RTN4: variants seen among roughly 807,000 people sequenced by gnomAD.
RTN4 encodes the protein reticulon-4.
Under a neutral mutation model 90.4 loss-of-function variants are expected in RTN4, and 32 were observed. The ratio of observed to expected loss-of-function variants is 0.35; its 90% CI spans 0.27 to 0.48. RTN4 has a LOEUF of 0.48. RTN4 is among the 20% of genes least tolerant of loss of function. The probability of loss-of-function intolerance (pLI) is 0.99; values close to 1 mark genes in which losing one functional copy is unlikely to be tolerated. For synonymous variants in RTN4, 629 were observed against 552.5 expected (o/e 1.14, Z -1.94); for missense variants, 1,706 against 1,430.2 (o/e 1.19, Z -3.11).
At chr2:55,089,852 G>T (rs1041717947) in intron 1 of RTN4, among the ~76,000 whole-genome samples, 3 of 152,174 alleles carry the variant, frequency 2.0e-5, no homozygotes, top group East Asian at 1.9e-4. Flanking sequence ...GTGGTAAAAA[G>T]GTCCCCCTGG....
In RTN4 at chr2:55,025,159, T is replaced by A; in HGVS notation, c.2940A>T (p.Lys980Asn). 6.2e-7 allele frequency: 1 copy of A among 1,613,660 alleles called. No individual in the cohort carries two copies. Among genetic ancestry groups the A allele is most frequent in the Non-Finnish European group, 8.5e-7 (1 of 1,179,766 alleles). ...CCTCTTTTTCTGTATCGGAAGGAAG[T>A]TTTTTCTCAGCTTCTTTCACAAGAA... ...PKVLVKEAEK[K>N]LPSDTEKEDR... The change falls in exon 3 of 9, where the codon AAA (lysine) becomes AAT (asparagine). Residue 980 changes from lysine (K) to asparagine (N), a missense_variant. By Grantham distance (94) the Lys-to-Asn change is moderately conservative. Transcript: ENST00000337526.
At chr2:55,042,226 A>G (rs1326851906) in intron 1 of RTN4, among the ~76,000 whole-genome samples, 1 of 152,214 alleles carries the variant, frequency 6.6e-6, no homozygotes, top group Non-Finnish European at 1.5e-5. Context: ...ACACTTTGGC[A>G]TTAGCTACCA....
chr2:55,080,444 C>G (rs187227176), intron 2 of RTN4: 7 of 152,300 alleles, frequency 4.6e-5, no homozygotes, highest in African/African-American at 1.7e-4. Flanking sequence ...TGAAATATGA[C>G]ATTCCTTGTA....
chr2:55,018,096 G>A (rs773217070), intron 3 of RTN4, among the ~76,000 whole-genome samples: 3 of 152,146 alleles, frequency 2.0e-5, no homozygotes, highest in Non-Finnish European at 2.9e-5. Flanking sequence ...AATTTACCAG[G>A]TATCCTTGAA....
chr2:54,978,672 A>G (rs1284335256), intron 5 of RTN4, among the ~76,000 whole-genome samples: 1 of 152,154 alleles, frequency 6.6e-6, no homozygotes, highest in African/African-American at 2.4e-5. Context: ...TTTTCCTGAA[A>G]TTAAGATGGT....
intron 1 of RTN4, among the ~76,000 whole-genome samples, chr2:55,105,485 T>C (rs1229523186): frequency 6.6e-6 from 1 of 152,010 alleles, no homozygotes; most frequent in African/African-American, 2.4e-5. Flanking sequence ...CCACTTCAGC[T>C]TCCCAAAGTT....
chr2:54,977,245 T>C (rs563414652), intron 5 of RTN4, among the ~76,000 whole-genome samples: 5 of 152,336 alleles, frequency 3.3e-5, no homozygotes, highest in African/African-American at 9.6e-5. Context: ...AGTTGGTAGT[T>C]TGGACTCTCT....
At chr2:55,003,381 C>T (rs762536445) in intron 3 of RTN4, among the ~76,000 whole-genome samples, 7 of 151,956 alleles carry the variant, frequency 4.6e-5, no homozygotes, top group African/African-American at 1.2e-4. Context: ...TGAAGAAAGA[C>T]GACACAAAAT....
rs76337146 is a variant in RTN4 at position 55,032,023 on chromosome 2, T to C, written c.557-3803A>G. 3.2e-3 allele frequency among the ~76,000 whole-genome samples: 481 copies of C among 151,604 alleles called. 5 individuals carry two copies. The highest frequency in any genetic ancestry group is 0.011 in the African/African-American group (441 of 41,386). On this transcript the variant is annotated intron_variant, in intron 1 of 8. Transcript: ENST00000337526. ...GGACATGCAAAGCAGCAAGAAAATA[T>C]GACCATAAATAAGAAAGAATAGCAA...
At chr2:55,128,371 A>G in the RTN4 span, among the ~76,000 whole-genome samples, 2 of 152,016 alleles carry the variant, frequency 1.3e-5, no homozygotes, top group African/African-American at 2.4e-5. Flanking sequence ...CTCTCTCTAG[A>G]CTTGCTTCTG....
At chr2:55,042,765 T>C (rs1683162933) in intron 1 of RTN4, among the ~76,000 whole-genome samples, 1 of 152,288 alleles carries the variant, frequency 6.6e-6, no homozygotes, top group Non-Finnish European at 1.5e-5. Context: ...TTCAACAAAC[T>C]GAGTGCCTAT....
At chr2:55,108,475 A>G (rs1667982825) in intron 1 of RTN4, among the ~76,000 whole-genome samples, 1 of 152,040 alleles carries the variant, frequency 6.6e-6, no homozygotes, top group African/African-American at 2.4e-5. Context: ...GATAATATTG[A>G]GAACTGAGGG....
chr2:55,066,213 G>T (rs1046356425), intron 2 of RTN4, among the ~76,000 whole-genome samples: 41 of 151,572 alleles, frequency 2.7e-4, no homozygotes, highest in African/African-American at 1.0e-3. Context: ...GTGTGTGTGT[G>T]TGTGTGTGTA....
intron 3 of RTN4, among the ~76,000 whole-genome samples, chr2:54,997,640 G>A (rs1045570523): frequency 6.6e-6 from 1 of 152,118 alleles, no homozygotes; most frequent in African/African-American, 2.4e-5. Flanking sequence ...TTTAAAAAAA[G>A]GTATATCCAT....
rs146270331 is a variant in RTN4 at position 55,092,529 on chromosome 2, C to T, written c.-213-11890G>A. 6.9e-3 allele frequency among the ~76,000 whole-genome samples: 1,046 copies of T among 152,268 alleles called. 7 individuals carry two copies. Among genetic ancestry groups the T allele is most frequent in the Non-Finnish European group, 9.7e-3 (659 of 68,028 alleles). On this transcript the variant is annotated intron_variant, in intron 1 of 3. Transcript: ENST00000427710. ...GATTACAGGCGTGAGCCACCGTGCC[C>T]GGCCCGAAGGAAGAGATTTTTTATC...
intron 3 of RTN4, among the ~76,000 whole-genome samples, chr2:55,005,609 T>C (rs1369022068): frequency 6.6e-6 from 1 of 152,142 alleles, no homozygotes; most frequent in African/African-American, 2.4e-5. Context: ...TAATCACAAA[T>C]AGAAACAAAG....
chr2:55,002,612 A>G (rs1300647273), intron 3 of RTN4, among the ~76,000 whole-genome samples: 1 of 152,190 alleles, frequency 6.6e-6, no homozygotes, highest in Non-Finnish European at 1.5e-5. Context: ...ACAAGCAAAA[A>G]AGGGCAGAAA....
intron 3 of RTN4, among the ~76,000 whole-genome samples, chr2:55,019,541 C>T (rs1681279309): frequency 6.6e-6 from 1 of 152,010 alleles, no homozygotes; most frequent in Non-Finnish European, 1.5e-5. Context: ...GAGAGGGACA[C>T]ATCATCATCT....
rs571283981 is a variant in RTN4 at position 55,099,875 on chromosome 2, G to C, written c.-214+12645C>G. Among the ~76,000 whole-genome samples the C allele has an allele frequency of 3.9e-5, 6 of 152,228 alleles. No individual in the cohort carries two copies. The South Asian group carries it at 1.2e-3, about 32-fold the overall frequency. On this transcript the variant is annotated intron_variant, in intron 1 of 3. Coordinates refer to the RTN4 transcript ENST00000427710. ...AGAATAGGGCCTGGCACATAGGGCTGTGTAAGCATTGACTATTATTATTCT... is the reference window on the plus strand; with the variant it reads ...AGAATAGGGCCTGGCACATAGGGCTCTGTAAGCATTGACTATTATTATTCT...
Sources: allele counts gnomAD v4.1 joint callset (sites outside exome capture counted in the v4.1 genomes callset), GRCh38; gene constraint gnomAD v4.1.1; transcripts MANE v1.5; gene names NCBI Gene and HGNC (gene_info 2026-07-23, HGNC 2026-07-21).